The following PRKD1 variants were observed in gnomAD, a reference collection of about 807,000 sequenced individuals.
PRKD1 encodes the protein serine/threonine-protein kinase D1.
PRKD1 carries 63 observed loss-of-function variants against 95.9 expected under a neutral mutation model. That is an observed-to-expected ratio of 0.66 (90% CI 0.54 to 0.81). PRKD1 has a LOEUF of 0.81. Ranked by LOEUF, PRKD1 falls within the 30% of genes least tolerant of loss-of-function variation. The pLI is 0.00. For synonymous variants in PRKD1, 425 were observed against 423.1 expected (o/e 1.00, Z -0.05); for missense variants, 1,048 against 1,165.3 (o/e 0.90, Z 1.47).
At chr14:29,910,665 C>T (rs1894676512) in intron 1 of PRKD1, among the ~76,000 whole-genome samples, 1 of 152,122 alleles carries the variant, frequency 6.6e-6, no homozygotes, top group Non-Finnish European at 1.5e-5. Flanking sequence ...AAAATCCAAT[C>T]AAGTGATCAA....
At chr14:29,893,154 C>T in intron 1 of PRKD1, among the ~76,000 whole-genome samples, 1 of 152,078 alleles carries the variant, frequency 6.6e-6, no homozygotes, top group Middle Eastern at 3.4e-3. Flanking sequence ...TAATAATACT[C>T]TGACAGATTA....
Position 29,860,983 on chromosome 14 carries a change from T to C in PRKD1, c.264+66266A>G, listed in dbSNP as rs1007969147. Among the ~76,000 whole-genome samples, 5 of 152,306 alleles carry C rather than the reference T, an allele frequency of 3.3e-5. No homozygotes were observed. In the East Asian group the frequency reaches 9.6e-4, roughly 29 times the overall value. Reference sequence around the variant, plus strand: ...AAAAATTCCACACTTACTAAAAGAATATACCAGTCCAATTTTCGAACCTAG... The same window carrying C: ...AAAAATTCCACACTTACTAAAAGAACATACCAGTCCAATTTTCGAACCTAG... On this transcript the variant is annotated intron_variant, in intron 1 of 17. Coordinates refer to ENST00000331968, the MANE Select transcript of PRKD1 (RefSeq NM_002742.3).
intron 1 of PRKD1, among the ~76,000 whole-genome samples, chr14:29,834,670 C>G (rs1230722630): frequency 6.6e-6 from 1 of 151,942 alleles, no homozygotes; most frequent in Non-Finnish European, 1.5e-5. Context: ...AAGAGATATA[C>G]TAAAATGCCA....
At chr14:29,805,666 G>T (rs532623952) in intron 1 of PRKD1, among the ~76,000 whole-genome samples, 6 of 152,306 alleles carry the variant, frequency 3.9e-5, no homozygotes, top group African/African-American at 1.4e-4. Flanking sequence ...GATGTGGAAA[G>T]GTAGGCAAGG....
chr14:29,640,615 T>C (rs45483296), intron 4 of PRKD1, among the ~76,000 whole-genome samples: 4,269 of 152,260 alleles, frequency 0.028, 180 homozygotes, highest in African/African-American at 0.091. Context: ...GAATAAATAC[T>C]TTCAATGGAA....
At chr14:29,592,212 C>T (rs1338353898) in intron 16 of PRKD1, among the ~76,000 whole-genome samples, 1 of 151,976 alleles carries the variant, frequency 6.6e-6, no homozygotes, top group African/African-American at 2.4e-5. Flanking sequence ...ACCACCGACA[C>T]AGCCATAATG....
chr14:29,760,991 G>C (rs1456037799), intron 1 of PRKD1, among the ~76,000 whole-genome samples: 1 of 152,002 alleles, frequency 6.6e-6, no homozygotes, highest in Non-Finnish European at 1.5e-5. Flanking sequence ...CACCCAGGCT[G>C]CAGTGCACTG....
chr14:29,699,724 G>C (rs2139322059), intron 2 of PRKD1, among the ~76,000 whole-genome samples: 1 of 152,204 alleles, frequency 6.6e-6, no homozygotes, highest in Non-Finnish European at 1.5e-5. Context: ...TAACTGCTTA[G>C]AATTTATTTT....
intron 13 of PRKD1, 123 bp from the exon 14 acceptor site, chr14:29,599,940 A>C: frequency 1.3e-6 from 1 of 742,800 alleles, no homozygotes; most frequent in African/African-American, 1.8e-5. Flanking sequence ...AAGATTTTTA[A>C]CACCTCTACA....
At chr14:29,763,694 G>T (rs975250009) in intron 1 of PRKD1, among the ~76,000 whole-genome samples, 4 of 152,036 alleles carry the variant, frequency 2.6e-5, no homozygotes, top group Non-Finnish European at 5.9e-5. Context: ...TGAGGATTTG[G>T]CCTGTGTCTC....
intron 1 of PRKD1, among the ~76,000 whole-genome samples, chr14:29,871,845 T>C (rs542496560): frequency 2.8e-4 from 43 of 152,234 alleles, no homozygotes; most frequent in Admixed American, 1.3e-3. Flanking sequence ...GACAATAAAA[T>C]GTTTGGAAAT....
chr14:29,781,861 A>T (rs1889062092), intron 1 of PRKD1, among the ~76,000 whole-genome samples: 2 of 152,226 alleles, frequency 1.3e-5, no homozygotes, highest in Admixed American at 1.3e-4. Context: ...AAACGGAGAC[A>T]ACAGTATCAT....
chr14:29,913,762 G>A (rs779541384), intron 1 of PRKD1, among the ~76,000 whole-genome samples: 5 of 152,120 alleles, frequency 3.3e-5, no homozygotes, highest in African/African-American at 4.8e-5. Flanking sequence ...TGCGTGATTC[G>A]CTTTACCACT....
At chr14:29,801,704 T>C (rs1890036425) in intron 1 of PRKD1, among the ~76,000 whole-genome samples, 1 of 152,158 alleles carries the variant, frequency 6.6e-6, no homozygotes, top group Admixed American at 6.5e-5. Context: ...TGTTTTTTTT[T>C]TTAGATGGAG....
At chr14:29,814,708 C>A (rs1384269140) in intron 1 of PRKD1, among the ~76,000 whole-genome samples, 1 of 152,184 alleles carries the variant, frequency 6.6e-6, no homozygotes, top group Non-Finnish European at 1.5e-5. Flanking sequence ...CCTGCTGCCT[C>A]CATTGCTGGC....
At chr14:29,679,773 G>T (rs928927917) in intron 2 of PRKD1, among the ~76,000 whole-genome samples, 1 of 149,870 alleles carries the variant, frequency 6.7e-6, no homozygotes, top group Non-Finnish European at 1.5e-5. Flanking sequence ...TGTTGTCCAG[G>T]CTGGAGAGCA....
intron 2 of PRKD1, among the ~76,000 whole-genome samples, chr14:29,666,560 ATGAG>A (rs1486972282): frequency 1.3e-5 from 2 of 152,142 alleles, no homozygotes; most frequent in Non-Finnish European, 1.5e-5. Context: ...TCTTACTTAA[ATGAG>A]TGAGAAAGGT....
chr14:29,735,458 A>G (rs996105791), intron 1 of PRKD1, among the ~76,000 whole-genome samples: 8 of 152,216 alleles, frequency 5.3e-5, no homozygotes, highest in South Asian at 2.1e-4. Context: ...ATTCTGATGT[A>G]AAGAGTAGAG....
At chr14:29,909,212 A>G (rs1375248920) in intron 1 of PRKD1, among the ~76,000 whole-genome samples, 1 of 151,968 alleles carries the variant, frequency 6.6e-6, no homozygotes, top group Non-Finnish European at 1.5e-5. Flanking sequence ...GAATTCTCGC[A>G]GGGCCTCAGC....
Sources: gnomAD v4.1 joint callset for allele counts (sites outside exome capture counted in the v4.1 genomes callset) on GRCh38, gnomAD v4.1.1 for gene constraint, MANE v1.5 for transcripts, NCBI Gene and HGNC (gene_info 2026-07-23, HGNC 2026-07-21) for gene names.